The following DYDC2 variants were observed in gnomAD, a reference collection of about 807,000 sequenced individuals.
DYDC2 encodes the protein DPY30 domain containing 2, also known as DPY30 domain-containing protein 2.
In DYDC2, 19 loss-of-function variants were observed where a neutral mutation model predicts 18.7. The ratio of observed to expected loss-of-function variants is 1.02; its 90% CI spans 0.71 to 1.49. The LOEUF is 1.49. DYDC2 is among the 40% of genes most tolerant of loss of function. The pLI is 0.00. For missense variants in DYDC2, 179 were observed against 205.1 expected, an observed-to-expected ratio of 0.87 and a Z score of 0.78; for synonymous variants, 63 against 67.6, an observed-to-expected ratio of 0.93 and a Z score of 0.34.
intron 2 of DYDC2, among the ~76,000 whole-genome samples, chr10:80,358,841 G>T (rs184365693): frequency 5.3e-5 from 8 of 152,108 alleles, no homozygotes; most frequent in African/African-American, 7.2e-5. Context: ...TCTTAAAGGC[G>T]GCGTGTCCAG....
chr10:80,365,778 C>T (rs1409697141), intron 4 of DYDC2, among the ~76,000 whole-genome samples: 1 of 152,174 alleles, frequency 6.6e-6, no homozygotes, highest in African/African-American at 2.4e-5. Context: ...TTCATGTTTA[C>T]TGACCATTTC....
At chr10:80,356,592 C>T, upstream of DYDC2, 2 of 985,510 alleles carry the variant, frequency 2.0e-6, no homozygotes, top group Non-Finnish European at 2.4e-6. Flanking sequence ...CTCTCTCCGC[C>T]TCAGGTGAGT....
chr10:80,346,688 C>G (rs1842660905), intron 1 of DYDC2, among the ~76,000 whole-genome samples: 1 of 151,342 alleles, frequency 6.6e-6, no homozygotes, highest in Non-Finnish European at 1.5e-5. Flanking sequence ...TCTCAATCTC[C>G]TGACTTTGTG....
chr10:80,349,202 A>AT (rs1432994835), intron 1 of DYDC2, among the ~76,000 whole-genome samples: 1 of 152,194 alleles, frequency 6.6e-6, no homozygotes, highest in East Asian at 1.9e-4. Flanking sequence ...GCAGATAAAT[A>AT]TTTTAAAATA....
chr10:80,364,648 A>G (rs1441752243), intron 4 of DYDC2, among the ~76,000 whole-genome samples: 1 of 152,200 alleles, frequency 6.6e-6, no homozygotes, highest in Non-Finnish European at 1.5e-5. Flanking sequence ...TTCTTTTGCC[A>G]AGTGTGTGAT....
Position 80,357,905 on chromosome 10 carries a change from G to A in DYDC2, c.-150G>A. On this transcript the variant is annotated 5_prime_UTR_variant, in exon 2 of 5. Transcript: ENST00000256039. ...GAAATATTTACAGAGCTCCCAGTGT[G>A]CCAAGCGTGGGCGGTATACAGTAAA... is the stretch of plus-strand genomic sequence containing the variant. 1.0e-6 allele frequency: 1 copy of A among 985,374 alleles called. No individual in the cohort carries two copies. The highest frequency in any genetic ancestry group is 1.2e-6 in the Non-Finnish European group (1 of 829,878). The allele number at this position is 985,374 out of a possible 1,614,324, so 61.0% of individuals were successfully genotyped here.
Position 80,345,646 on chromosome 10 carries a change from A to ATT in DYDC2, c.-310+840_-310+841dup, listed in dbSNP as rs200935252. Among the ~76,000 whole-genome samples, 3 of 148,344 alleles carry ATT rather than the reference A, an allele frequency of 2.0e-5. No individual in the cohort carries two copies. In the South Asian group the frequency reaches 6.4e-4, roughly 32 times the overall value. On this transcript the variant is annotated intron_variant, in intron 1 of 4. Transcript: ENST00000372197. ...TATTCTCTCTTTTTATGTATTCAAC[A>ATT]TTTTTTTTTTAAGATTTCTACATAG...
At chr10:80,360,382 C>T (rs964505684) in intron 2 of DYDC2, among the ~76,000 whole-genome samples, 2 of 152,198 alleles carry the variant, frequency 1.3e-5, no homozygotes, top group Non-Finnish European at 2.9e-5. Context: ...ATCGCTTTTT[C>T]TCCCTTGGCT....
chr10:80,355,096 G>GAAA (rs79869965), upstream of DYDC2, among the ~76,000 whole-genome samples: 4 of 142,548 alleles, frequency 2.8e-5, no homozygotes, highest in South Asian at 4.5e-4. Flanking sequence ...TACATTTACT[G>GAAA]AAAAAAAAAA....
chr10:80,347,273 A>G (rs7087636), intron 1 of DYDC2, among the ~76,000 whole-genome samples: 1 of 108,054 alleles, frequency 9.3e-6, no homozygotes, highest in East Asian at 2.6e-4. Context: ...TTTAATTGGG[A>G]TCCTTTTTTT....
chr10:80,351,778 G>A (rs1396278498), intron 1 of DYDC2: 2 of 831,662 alleles, frequency 2.4e-6, no homozygotes, highest in Non-Finnish European at 3.8e-6. Flanking sequence ...CCATAAAGAT[G>A]AAGATATTAG....
intron 2 of DYDC2, 95 bp from the exon 3 acceptor site, chr10:80,362,340 T>C: frequency 1.9e-5 from 29 of 1,487,316 alleles, no homozygotes; most frequent in Non-Finnish European, 2.6e-5. Flanking sequence ...ATCTCATATT[T>C]ATCCTGAAAT....
chr10:80,352,992 C>A (rs375735469), upstream of DYDC2, among the ~76,000 whole-genome samples: 13 of 151,662 alleles, frequency 8.6e-5, no homozygotes, highest in East Asian at 9.7e-4. Flanking sequence ...GCACAGACAG[C>A]GTAAGTGCAC....
In DYDC2 at chr10:80,358,470, T is replaced by C. The variant is rs137976241; in HGVS notation, c.-10+425T>C. On this transcript the variant is annotated intron_variant, in intron 2 of 4. Coordinates refer to ENST00000256039, the MANE Select transcript of DYDC2 (RefSeq NM_032372.6). ...TGGCTCTACTGTCTTTGTACCATATTTTAGCGACTGTTGGGCAAACACATT... is the reference window on the plus strand; with the variant it reads ...TGGCTCTACTGTCTTTGTACCATATCTTAGCGACTGTTGGGCAAACACATT... Among the ~76,000 whole-genome samples, 474 of 152,312 alleles carry C rather than the reference T, an allele frequency of 3.1e-3. 3 individuals carry two copies. The highest frequency in any genetic ancestry group is 0.011 in the African/African-American group (457 of 41,576).
chr10:80,356,556 T>G, upstream of DYDC2: 1 of 985,448 alleles, frequency 1.0e-6, no homozygotes, highest in Non-Finnish European at 1.2e-6. Flanking sequence ...GCTGGCCGCT[T>G]TCGGGAGCCC....
In DYDC2 at chr10:80,367,025, G is replaced by T; in HGVS notation, c.*74G>T. 2.0e-6 allele frequency: 3 copies of T among 1,526,482 alleles called. No homozygotes were observed. Among genetic ancestry groups the T allele is most frequent in the Non-Finnish European group, 2.6e-6 (3 of 1,142,618 alleles). The allele number at this position is 1,526,482 out of a possible 1,614,324, so 94.6% of individuals were successfully genotyped here. On this transcript the variant is annotated 3_prime_UTR_variant, in exon 5 of 5. Coordinates refer to ENST00000256039, the MANE Select transcript of DYDC2 (RefSeq NM_032372.6). ...CAAGAAAATGGCCAGCTAGAACCAA[G>T]ATTTAAGGGGCTGTAAAAGGCAAGT...
chr10:80,352,088 A>G (rs1048246498), upstream of DYDC2: 4 of 1,253,854 alleles, frequency 3.2e-6, no homozygotes, highest in Non-Finnish European at 4.6e-6. Flanking sequence ...TAATAGGAAC[A>G]ATTAGGGAAA....
Position 80,367,629 on chromosome 10 carries a change from G to C in DYDC2, c.*678G>C, listed in dbSNP as rs1843877783. 1 of 152,138 alleles carries C rather than the reference G, an allele frequency of 6.6e-6. No individual in the cohort carries two copies. The highest frequency in any genetic ancestry group is 6.6e-5 in the Admixed American group (1 of 15,264). 9.4% of individuals were successfully genotyped at this position (152,138 alleles called of 1,614,324 possible). On this transcript the variant is annotated 3_prime_UTR_variant, in exon 5 of 5. Coordinates refer to ENST00000256039, the MANE Select transcript of DYDC2 (RefSeq NM_032372.6). ...GCCTCAACTTTTCTCCCAACACTAA[G>C]CTTTCCTCCCAACACACATCCATCT...
Position 80,367,523 on chromosome 10 carries a change from A to C in DYDC2, c.*572A>C, listed in dbSNP as rs942773865. ...CTACTTGAGATAATGGGAGTGCTAG[A>C]AGCAAGGAGCCAGCAAGTCTGGACA... is the stretch of plus-strand genomic sequence containing the variant. On this transcript the variant is annotated 3_prime_UTR_variant, in exon 5 of 5. Transcript: ENST00000256039. 1 of 152,436 alleles carries C rather than the reference A, an allele frequency of 6.6e-6. No homozygotes were observed. The highest frequency in any genetic ancestry group is 1.5e-5 in the Non-Finnish European group (1 of 68,242). The allele number at this position is 152,436 out of a possible 1,614,324, so 9.4% of individuals were successfully genotyped here. A position where few individuals can be genotyped will look rare whatever the true frequency, so the allele number is the denominator to read the frequency against.
Sources: allele counts gnomAD v4.1 joint callset (sites outside exome capture counted in the v4.1 genomes callset), GRCh38; gene constraint gnomAD v4.1.1; transcripts MANE v1.5; gene names NCBI Gene and HGNC (gene_info 2026-07-23, HGNC 2026-07-21).